Variants in GC observed in about 807,000 individuals in gnomAD.
GC encodes the protein GC vitamin D binding protein.
In GC, 43 loss-of-function variants were observed where a neutral mutation model predicts 56.7. That is an observed-to-expected ratio of 0.76 (90% confidence interval 0.59 to 0.98). The LOEUF is 0.98. Among genes scored for constraint, GC ranks in the 50% least tolerant of loss-of-function variants. The pLI is 0.00. For synonymous variants in GC, 216 were observed against 202.7 expected (o/e 1.07, Z -0.56); for missense variants, 529 against 545.9 (o/e 0.97, Z 0.31).
At chr4:71,779,765 A>G (rs552732829) in intron 1 of GC, among the ~76,000 whole-genome samples, 4 of 151,934 alleles carry the variant, frequency 2.6e-5, no homozygotes, top group South Asian at 2.1e-4. Flanking sequence ...ACCTGATATC[A>G]GTAAGATGAA....
intron 11 of GC, among the ~76,000 whole-genome samples, chr4:71,748,862 C>G (rs928467062): frequency 2.6e-5 from 4 of 152,028 alleles, no homozygotes; most frequent in African/African-American, 4.8e-5. Flanking sequence ...AGAGACTGAT[C>G]CCTGGATATA....
At chr4:71,784,338 T>C (rs1742779130), upstream of GC, 2 of 1,041,774 alleles carry the variant, frequency 1.9e-6, no homozygotes, top group African/African-American at 3.4e-5. Flanking sequence ...TCCACTGCTG[T>C]TCCTCACTAA....
Position 71,765,548 on chromosome 4 carries a change from T to C in GC, c.357A>G (p.Arg119=), listed in dbSNP as rs768914595. The stretch of plus-strand genomic sequence containing the variant: ...GTTTCAGAGCAGCCATGCAGAGCTT[T>C]CGTTCCAGGCCCTCTTTGGTGCAGC... The part of the protein sequence containing the change: ...AECCTKEGLE[R]KLCMAALKHQ... The change falls in exon 4 of 13, where the codon CGA becomes CGG. Residue 119 remains arginine (R), a synonymous_variant. Coordinates refer to ENST00000273951, the MANE Select transcript of GC (RefSeq NM_000583.4). The C allele has an allele frequency of 1.9e-6, 3 of 1,613,882 alleles. No homozygotes were observed. The African/African-American group carries it at 4.0e-5, about 22-fold the overall frequency.
At chr4:71,790,407 G>T (rs537519408) in intron 1 of GC, among the ~76,000 whole-genome samples, 38 of 152,020 alleles carry the variant, frequency 2.5e-4, no homozygotes, top group African/African-American at 9.2e-4. Context: ...TGAATCTCTT[G>T]AAAAGAACCA....
chr4:71,805,077 C>A (rs894532468), upstream of GC, among the ~76,000 whole-genome samples: 1 of 152,122 alleles, frequency 6.6e-6, no homozygotes, highest in African/African-American at 2.4e-5. Flanking sequence ...TTTAAGATTT[C>A]TGCCCACTTG....
At chr4:71,743,972 G>A (rs546139490) in intron 12 of GC, among the ~76,000 whole-genome samples, 7 of 152,178 alleles carry the variant, frequency 4.6e-5, no homozygotes, top group African/African-American at 1.4e-4. Flanking sequence ...AGAAATCAAA[G>A]GATTAATTAA....
chr4:71,761,916 C>T (rs1289420908), intron 6 of GC, among the ~76,000 whole-genome samples: 1 of 152,212 alleles, frequency 6.6e-6, no homozygotes, highest in Non-Finnish European at 1.5e-5. Context: ...GGGCAGGGCT[C>T]TCATGGAGAA....
intron 6 of GC, among the ~76,000 whole-genome samples, chr4:71,758,499 C>A (rs776658446): frequency 3.3e-5 from 5 of 152,116 alleles, no homozygotes; most frequent in Non-Finnish European, 7.4e-5. Flanking sequence ...TTCATAAGGC[C>A]AATGTTGTAT....
intron 1 of GC, among the ~76,000 whole-genome samples, chr4:71,776,709 C>T (rs1228988103): frequency 1.3e-5 from 2 of 151,762 alleles, no homozygotes; most frequent in Non-Finnish European, 2.9e-5. Flanking sequence ...TTTTATCATT[C>T]CCCATTATAT....
At chr4:71,768,738 A>G (rs1742254383) in intron 2 of GC, among the ~76,000 whole-genome samples, 1 of 152,240 alleles carries the variant, frequency 6.6e-6, no homozygotes, top group Non-Finnish European at 1.5e-5. Context: ...GGCTGGGATT[A>G]CAGGCGTGAG....
chr4:71,765,425 C>A lies in GC; in HGVS notation c.473+7G>T. The stretch of plus-strand genomic sequence containing the variant: ...CCTAAAGTTCTATTTATGATGAAGG[C>A]ACTCACTGATTAGCATATTCCTTTG... On this transcript the variant is annotated splice_region_variant and intron_variant, in intron 4 of 12. Transcript: ENST00000273951. 6.9e-6 allele frequency: 11 copies of A among 1,604,006 alleles called. No individual in the cohort carries two copies. Among genetic ancestry groups the A allele is most frequent in the Non-Finnish European group, 9.4e-6 (11 of 1,171,370 alleles).
intron 1 of GC, among the ~76,000 whole-genome samples, chr4:71,778,924 G>GTTA (rs1202322112): frequency 2.7e-5 from 4 of 147,036 alleles, no homozygotes; most frequent in Non-Finnish European, 6.0e-5. Context: ...TATTATTATT[G>GTTA]GCTAAATCCA....
chr4:71,762,543 G>T (rs1218578658), intron 6 of GC, among the ~76,000 whole-genome samples: 1 of 152,210 alleles, frequency 6.6e-6, no homozygotes, highest in African/African-American at 2.4e-5. Flanking sequence ...GATTTGGGAA[G>T]TGCCAGGGGT....
At chr4:71,800,951 C>A (rs903282315) in intron 1 of GC, among the ~76,000 whole-genome samples, 1 of 151,934 alleles carries the variant, frequency 6.6e-6, no homozygotes, top group Non-Finnish European at 1.5e-5. Context: ...AGATACGATA[C>A]CAAAAGAATG....
chr4:71,784,151 C>A (rs1389231838), upstream of GC: 4 of 1,364,644 alleles, frequency 2.9e-6, no homozygotes, highest in Admixed American at 3.3e-5. Flanking sequence ...ATCTCAGAAG[C>A]AACACAGAAT....
At position 71,789,774 on chromosome 4, in the gene GC, C is replaced by T. The variant is rs533547798; in HGVS notation, c.22-5720G>A. 3.3e-5 allele frequency among the ~76,000 whole-genome samples: 5 copies of T among 151,842 alleles called. No individual in the cohort carries two copies. In the East Asian group the frequency reaches 9.7e-4, roughly 30 times the overall value. The stretch of plus-strand genomic sequence containing the variant: ...GATTTTCCTGGATTATTAGGGTGGG[C>T]TCAATGTTATCACAAAGGTCCTTTA... On this transcript the variant is annotated intron_variant, in intron 1 of 13. Transcript: ENST00000504199.
At chr4:71,770,145 AG>A (rs1199841162) in intron 1 of GC, among the ~76,000 whole-genome samples, 1 of 152,182 alleles carries the variant, frequency 6.6e-6, no homozygotes, top group Admixed American at 6.6e-5. Flanking sequence ...TGTAATGGAC[AG>A]GTGTCTGATT....
At chr4:71,768,215 TA>T in intron 3 of GC, 85 bp downstream of exon 3, 1 of 1,149,634 alleles carries the variant, frequency 8.7e-7, no homozygotes, top group Non-Finnish European at 1.2e-6. Flanking sequence ...AGTTGCTGTC[TA>T]AAATTTTTTC....
intron 1 of GC, among the ~76,000 whole-genome samples, chr4:71,781,207 G>C (rs183132395): frequency 6.6e-6 from 1 of 152,086 alleles, no homozygotes; most frequent in Non-Finnish European, 1.5e-5. Flanking sequence ...GTCACAGGGT[G>C]GGGAACATCA....
Sources: gnomAD v4.1 joint callset for allele counts (sites outside exome capture counted in the v4.1 genomes callset) on GRCh38, gnomAD v4.1.1 for gene constraint, MANE v1.5 for transcripts, NCBI Gene and HGNC (gene_info 2026-07-23, HGNC 2026-07-21) for gene names.